IQSEC1: variants seen among roughly 807,000 people sequenced by gnomAD.
IQSEC1 encodes the protein IQ motif and Sec7 domain ArfGEF 1.
In IQSEC1, 31 loss-of-function variants were observed where a neutral mutation model predicts 91.0. The observed-to-expected ratio is 0.34, with a 90% CI of 0.26 to 0.46. The LOEUF (loss-of-function observed/expected upper bound fraction) is 0.46, where lower values mean the gene tolerates loss of function less well. Ranked by LOEUF, IQSEC1 falls within the 20% of genes least tolerant of loss-of-function variation. The pLI, the probability that IQSEC1 is intolerant of heterozygous loss-of-function variation, is 1.00. For synonymous variants in IQSEC1, 699 were observed against 662.6 expected (o/e 1.05, Z -0.84); for missense variants, 1,388 against 1,575.6 (o/e 0.88, Z 2.02).
At chr3:12,923,799 C>T (rs1221623487) in intron 4 of IQSEC1, among the ~76,000 whole-genome samples, 1 of 152,250 alleles carries the variant, frequency 6.6e-6, no homozygotes, top group Non-Finnish European at 1.5e-5. Flanking sequence ...TTGGTCCCCT[C>T]GGCTGCACAT....
chr3:13,094,682 C>T (rs530550420), intron 2 of IQSEC1, among the ~76,000 whole-genome samples: 14 of 152,278 alleles, frequency 9.2e-5, no homozygotes, highest in African/African-American at 3.4e-4. Context: ...AGGAGTATGG[C>T]CTGTTCCTGG....
intron 1 of IQSEC1, among the ~76,000 whole-genome samples, chr3:13,024,832 G>A (rs1703551856): frequency 6.6e-6 from 1 of 152,156 alleles, no homozygotes; most frequent in African/African-American, 2.4e-5. Flanking sequence ...TGAGAACAGG[G>A]CACTCCTTAC....
At chr3:12,951,870 C>T (rs2569999) in intron 1 of IQSEC1, among the ~76,000 whole-genome samples, 71,262 of 151,938 alleles carry the variant, frequency 0.47, 17,406 homozygotes, top group Non-Finnish European at 0.54. Flanking sequence ...GAGGAGCACA[C>T]GTAATGGGCA....
At chr3:13,165,189 T>G (rs1693463658) in intron 1 of IQSEC1, among the ~76,000 whole-genome samples, 1 of 152,130 alleles carries the variant, frequency 6.6e-6, no homozygotes, top group South Asian at 2.1e-4. Flanking sequence ...TGCACACCCC[T>G]TGTTCTAGAA....
intron 1 of IQSEC1, among the ~76,000 whole-genome samples, chr3:13,248,090 T>C (rs1695137680): frequency 2.0e-5 from 3 of 152,162 alleles, no homozygotes; most frequent in Non-Finnish European, 4.4e-5. Flanking sequence ...CCCCCATCCA[T>C]TCACCCTCAG....
intron 2 of IQSEC1, among the ~76,000 whole-genome samples, chr3:13,112,314 C>A (rs1384652977): frequency 6.6e-6 from 1 of 152,216 alleles, no homozygotes; most frequent in African/African-American, 2.4e-5. Flanking sequence ...ACTAGCCAGC[C>A]CAGCCAAACC....
At chr3:13,152,733 C>T (rs774944456) in intron 2 of IQSEC1, among the ~76,000 whole-genome samples, 5 of 152,032 alleles carry the variant, frequency 3.3e-5, no homozygotes, top group Non-Finnish European at 7.4e-5. Context: ...TAGCCGGGTG[C>T]GGTGGCTGGC....
chr3:13,220,326 T>C (rs1024995391), intron 1 of IQSEC1, among the ~76,000 whole-genome samples: 7 of 152,158 alleles, frequency 4.6e-5, no homozygotes, highest in African/African-American at 7.2e-5. Flanking sequence ...GTGACCAACA[T>C]TGCCAATTTG....
chr3:13,134,792 C>T (rs1320507248), intron 2 of IQSEC1, among the ~76,000 whole-genome samples: 5 of 152,136 alleles, frequency 3.3e-5, no homozygotes, highest in Non-Finnish European at 7.4e-5. Context: ...AATTCTTTAA[C>T]TGGGAGCTGA....
At chr3:13,235,506 G>A (rs940292860) in intron 1 of IQSEC1, among the ~76,000 whole-genome samples, 1 of 152,130 alleles carries the variant, frequency 6.6e-6, no homozygotes, top group Non-Finnish European at 1.5e-5. Flanking sequence ...TGAGCTGGTT[G>A]GGGGAGTGGG....
intron 12 of IQSEC1, among the ~76,000 whole-genome samples, chr3:12,904,199 G>A (rs1013198703): frequency 6.6e-6 from 1 of 152,208 alleles, no homozygotes; most frequent in African/African-American, 2.4e-5. Flanking sequence ...GCCTTGGCAT[G>A]GCTTCGGCCT....
intron 1 of IQSEC1, among the ~76,000 whole-genome samples, chr3:13,001,631 T>C (rs536256005): frequency 3.9e-5 from 6 of 152,362 alleles, no homozygotes; most frequent in Admixed American, 2.6e-4. Flanking sequence ...GGAGGAGTTT[T>C]CGTCTTCACG....
chr3:12,944,654 C>T (rs1203065469), intron 1 of IQSEC1, among the ~76,000 whole-genome samples: 1 of 152,242 alleles, frequency 6.6e-6, no homozygotes, highest in African/African-American at 2.4e-5. Flanking sequence ...AGGCACAGAT[C>T]ACAGGGAACA....
At chr3:13,065,335 G>A (rs538199558) in intron 1 of IQSEC1, among the ~76,000 whole-genome samples, 11 of 152,250 alleles carry the variant, frequency 7.2e-5, no homozygotes, top group Non-Finnish European at 1.2e-4. Flanking sequence ...GGACACAGCC[G>A]TGGCCTCTGG....
Position 13,123,237 on chromosome 3 carries a change from T to C in IQSEC1, c.302+40867A>G, listed in dbSNP as rs544880055. Among the ~76,000 whole-genome samples the C allele has an allele frequency of 3.5e-4, 54 of 152,356 alleles. 2 individuals are homozygous for C. In the South Asian group the frequency reaches 0.011, roughly 30 times the overall value. The stretch of plus-strand genomic sequence containing the variant: ...TACCAGGCAGTAATGAACACAGGTG[T>C]CCAGTCCAGGGGAGGGAATTCATTT... On this transcript the variant is annotated intron_variant, in intron 2 of 15. Transcript: ENST00000648114.
chr3:12,906,147 ATGGATGTCGAGTGCAGACC>A (rs890968660), intron 12 of IQSEC1, among the ~76,000 whole-genome samples: 26 of 152,220 alleles, frequency 1.7e-4, no homozygotes, highest in Admixed American at 3.9e-4. Flanking sequence ...CCTCCTTTGG[ATGGATGTCGAGTGCAGACC>A]TGGGACAGCT....
In IQSEC1 at chr3:12,936,227, C is replaced by T; in HGVS notation, c.789G>A (p.Arg263=). Residue 263 remains arginine, a synonymous_variant, in exon 3 of 14, where the codon CGG becomes CGA. Coordinates refer to ENST00000613206, the MANE Select transcript of IQSEC1 (RefSeq NM_001134382.3). ...EAPALDAARA[R]DTEPQTALHG... is the part of the protein sequence containing the mutation. Reference sequence around the variant, plus strand: ...GCAGGGCTGTCTGGGGTTCGGTGTCCCGGGCCCGCGCCGCATCCAGGGCCG... The same window carrying T: ...GCAGGGCTGTCTGGGGTTCGGTGTCTCGGGCCCGCGCCGCATCCAGGGCCG... 1 of 1,613,114 alleles carries T rather than the reference C, an allele frequency of 6.2e-7. No homozygotes were observed. Among genetic ancestry groups the T allele is most frequent in the Non-Finnish European group, 8.5e-7 (1 of 1,179,998 alleles).
chr3:13,222,088 G>A (rs1224528641), intron 1 of IQSEC1, among the ~76,000 whole-genome samples: 1 of 152,078 alleles, frequency 6.6e-6, no homozygotes, highest in Non-Finnish European at 1.5e-5. Context: ...GTGGCATTAA[G>A]ACTTTCTCAT....
chr3:13,217,870 C>T (rs1191692377), intron 1 of IQSEC1, among the ~76,000 whole-genome samples: 1 of 152,160 alleles, frequency 6.6e-6, no homozygotes, highest in Non-Finnish European at 1.5e-5. Context: ...CTGTTTCACC[C>T]CAAGCTGATC....
Sources: gnomAD v4.1 joint callset for allele counts (sites outside exome capture counted in the v4.1 genomes callset) on GRCh38, gnomAD v4.1.1 for gene constraint, MANE v1.5 for transcripts, NCBI Gene and HGNC (gene_info 2026-07-23, HGNC 2026-07-21) for gene names.